Variants in CSMD1 observed in about 807,000 individuals in gnomAD.
CSMD1 encodes CUB and sushi domain-containing protein 1.
CSMD1 carries 213 observed loss-of-function variants against 417.5 expected under a neutral mutation model. That is an observed-to-expected ratio of 0.51 (90% CI 0.46 to 0.57). The LOEUF (loss-of-function observed/expected upper bound fraction) is 0.57, where lower values mean the gene tolerates loss of function less well. Ranked by LOEUF, CSMD1 falls within the 20% of genes least tolerant of loss-of-function variation. The pLI is 0.00. For missense variants in CSMD1, 6,923 were observed against 4,529.7 expected (o/e 1.53, Z -15.17); for synonymous variants, 2,862 against 1,736.8 (o/e 1.65, Z -16.11).
chr8:4,963,828 T>C (rs955356274), intron 1 of CSMD1, among the ~76,000 whole-genome samples: 3 of 152,186 alleles, frequency 2.0e-5, no homozygotes, highest in East Asian at 3.9e-4. Flanking sequence ...TCACTAACCA[T>C]GGGAGTAGTC....
chr8:4,335,246 T>C (rs1007153228), intron 3 of CSMD1, among the ~76,000 whole-genome samples: 1 of 151,996 alleles, frequency 6.6e-6, no homozygotes, highest in Non-Finnish European at 1.5e-5. Flanking sequence ...TTGTGAACAC[T>C]TCACCCTTAT....
intron 5 of CSMD1, among the ~76,000 whole-genome samples, chr8:3,865,074 G>T (rs748482725): frequency 4.6e-5 from 7 of 152,144 alleles, no homozygotes; most frequent in Non-Finnish European, 7.3e-5. Flanking sequence ...TATGCCAACA[G>T]TGTTACTTTG....
At chr8:4,021,198 G>C (rs1029582893) in intron 4 of CSMD1, among the ~76,000 whole-genome samples, 1 of 152,162 alleles carries the variant, frequency 6.6e-6, no homozygotes, top group Non-Finnish European at 1.5e-5. Flanking sequence ...TGGCATAACT[G>C]AAATACACAT....
intron 1 of CSMD1, among the ~76,000 whole-genome samples, chr8:4,956,606 T>A (rs900322669): frequency 1.1e-4 from 16 of 145,128 alleles, no homozygotes; most frequent in Admixed American, 1.0e-3. Context: ...CAGATATTTT[T>A]ATTTTATAAA....
At chr8:4,641,728 T>A (rs993289906) in intron 1 of CSMD1, among the ~76,000 whole-genome samples, 3 of 152,136 alleles carry the variant, frequency 2.0e-5, no homozygotes, top group African/African-American at 7.2e-5. Context: ...TCATAACATA[T>A]ATCACAATAA....
At chr8:4,902,727 T>C (rs1021925557) in intron 1 of CSMD1, among the ~76,000 whole-genome samples, 40 of 152,054 alleles carry the variant, frequency 2.6e-4, no homozygotes, top group African/African-American at 9.7e-4. Flanking sequence ...TATCAAAATA[T>C]ATAAATGGAA....
intron 1 of CSMD1, among the ~76,000 whole-genome samples, chr8:4,730,615 C>T (rs924786842): frequency 6.6e-6 from 1 of 151,990 alleles, no homozygotes; most frequent in Non-Finnish European, 1.5e-5. Context: ...GTGGCGGGCG[C>T]CTGTAGTCCC....
chr8:3,439,567 G>A (rs946361249), intron 12 of CSMD1, among the ~76,000 whole-genome samples: 1 of 150,672 alleles, frequency 6.6e-6, no homozygotes, highest in African/African-American at 2.4e-5. Flanking sequence ...TATCAGATAC[G>A]TGGTTTGAAA....
chr8:3,047,628 G>T (rs1483017922), intron 50 of CSMD1, among the ~76,000 whole-genome samples: 1 of 152,126 alleles, frequency 6.6e-6, no homozygotes, highest in Non-Finnish European at 1.5e-5. Context: ...CCGTCTTTTC[G>T]AAACTCTCTG....
chr8:4,530,492 C>T (rs1299253431), intron 2 of CSMD1, among the ~76,000 whole-genome samples: 23 of 151,528 alleles, frequency 1.5e-4, no homozygotes, highest in Non-Finnish European at 3.1e-4. Flanking sequence ...TATCCCTCCC[C>T]TTTCCCCCGA....
intron 26 of CSMD1, among the ~76,000 whole-genome samples, chr8:3,240,231 G>A (rs918977812): frequency 3.3e-5 from 5 of 152,068 alleles, no homozygotes; most frequent in Non-Finnish European, 7.3e-5. Flanking sequence ...GAAAAAGGTT[G>A]GGATGAGACA....
chr8:3,443,846 A>C (rs1367564789), intron 12 of CSMD1, among the ~76,000 whole-genome samples: 1 of 152,228 alleles, frequency 6.6e-6, no homozygotes, highest in East Asian at 1.9e-4. Flanking sequence ...ACTGATGCAT[A>C]TGGAAATGTT....
At chr8:3,290,676 G>C (rs1282016764) in intron 25 of CSMD1, among the ~76,000 whole-genome samples, 1 of 147,368 alleles carries the variant, frequency 6.8e-6, no homozygotes, top group East Asian at 2.0e-4. Flanking sequence ...CATTGATTTT[G>C]TATCCTGAGA....
At chr8:3,371,179 G>A (rs1490580858) in intron 18 of CSMD1, among the ~76,000 whole-genome samples, 1 of 152,162 alleles carries the variant, frequency 6.6e-6, no homozygotes, top group Admixed American at 6.5e-5. Context: ...GCAGAAGGCA[G>A]ATCTTGGGAC....
intron 3 of CSMD1, among the ~76,000 whole-genome samples, chr8:4,121,576 T>TG (rs1490208406): frequency 6.6e-6 from 1 of 151,880 alleles, no homozygotes; most frequent in Non-Finnish European, 1.5e-5. Context: ...ATCTTTTATT[T>TG]TTTTTTCAAA....
intron 2 of CSMD1, among the ~76,000 whole-genome samples, chr8:4,444,282 C>A (rs927223285): frequency 7.7e-6 from 1 of 130,434 alleles, no homozygotes; most frequent in African/African-American, 2.8e-5. Context: ...GGGAGGTGGA[C>A]GTTGCAGTGA....
chr8:4,610,159 C>T lies in CSMD1; in HGVS notation c.302+27183G>A, dbSNP rs568700980. Among the ~76,000 whole-genome samples, 4 of 148,782 alleles carry T rather than the reference C, an allele frequency of 2.7e-5. No homozygotes were observed. The South Asian group carries it at 8.8e-4, about 33-fold the overall frequency. On this transcript the variant is annotated intron_variant, in intron 2 of 69. Coordinates refer to ENST00000635120, the MANE Select transcript of CSMD1 (RefSeq NM_033225.6). ...TAATAGGTTATGAACACCTTTTCTT[C>T]CCCTGCTTTCTTCTACTTCATTTAA...
intron 2 of CSMD1, among the ~76,000 whole-genome samples, chr8:4,513,169 A>G (rs1255254112): frequency 2.0e-5 from 3 of 152,204 alleles, no homozygotes; most frequent in Admixed American, 2.0e-4. Flanking sequence ...GAAATATGTC[A>G]AAGTAGGTTC....
At position 4,477,629 on chromosome 8, in the gene CSMD1, G is replaced by C. The variant is rs151279064; in HGVS notation, c.303-57564C>G. 8.2e-3 allele frequency among the ~76,000 whole-genome samples: 1,247 copies of C among 152,256 alleles called. 20 individuals carry two copies. Among genetic ancestry groups the C allele is most frequent in the African/African-American group, 0.029 (1,204 of 41,546 alleles). On this transcript the variant is annotated intron_variant, in intron 2 of 69. Coordinates refer to ENST00000635120, the MANE Select transcript of CSMD1 (RefSeq NM_033225.6). ...TGACTTCTGCACAGAGAAAGGCACT[G>C]TGAGATATCTAAGAAATCGTTGACT...
Sources: gnomAD v4.1 joint callset for allele counts (sites outside exome capture counted in the v4.1 genomes callset) on GRCh38, gnomAD v4.1.1 for gene constraint, MANE v1.5 for transcripts, NCBI Gene and HGNC (gene_info 2026-07-23, HGNC 2026-07-21) for gene names.